The following CHCHD3 variants were observed in gnomAD, a reference collection of about 807,000 sequenced individuals.
CHCHD3 encodes the protein coiled-coil-helix-coiled-coil-helix domain containing 3.
A neutral mutation model predicts 38.2 loss-of-function variants in CHCHD3; 20 were observed. The ratio of observed to expected loss-of-function variants is 0.52; its 90% confidence interval spans 0.37 to 0.76. The LOEUF is 0.76. Ranked by LOEUF, CHCHD3 falls within the 30% of genes least tolerant of loss-of-function variation. The pLI is 0.00. For synonymous variants in CHCHD3, 82 were observed against 100.0 expected, an observed-to-expected ratio of 0.82 and a Z score of 1.07; for missense variants, 245 against 279.2, an observed-to-expected ratio of 0.88 and a Z score of 0.87.
chr7:133,077,176 C>T (rs1322149171), intron 1 of CHCHD3, among the ~76,000 whole-genome samples: 1 of 152,140 alleles, frequency 6.6e-6, no homozygotes, highest in East Asian at 1.9e-4. Flanking sequence ...AAACCATTAT[C>T]CCTACCTTTA....
At position 132,885,784 on chromosome 7, in the gene CHCHD3, A is replaced by G. The variant is rs750077465; in HGVS notation, c.370-39T>C. 2.8e-6 allele frequency: 4 copies of G among 1,412,284 alleles called. No homozygotes were observed. The South Asian group carries it at 4.0e-5, about 14-fold the overall frequency. The allele number at this position is 1,412,284 out of a possible 1,614,324, so 87.5% of individuals were successfully genotyped here. A position where few individuals can be genotyped will look rare whatever the true frequency, so the allele number is the denominator to read the frequency against. Reference sequence around the variant, plus strand: ...TGAGGAATATACTATATCAAGAAAAAGCAGCAACAGCAAAGCAAAAGTCAA... The same window carrying G: ...TGAGGAATATACTATATCAAGAAAAGGCAGCAACAGCAAAGCAAAAGTCAA... On this transcript the variant is annotated intron_variant, in intron 4 of 7. Transcript: ENST00000262570.
At chr7:133,019,280 TTGCCTTTTTCTTGC>T (rs1813116743) in intron 3 of CHCHD3, among the ~76,000 whole-genome samples, 1 of 152,150 alleles carries the variant, frequency 6.6e-6, no homozygotes, top group Non-Finnish European at 1.5e-5. Context: ...GCTTTTTCTT[TTGCCTTTTTCTTGC>T]TGCCTTTTTC....
chr7:132,884,639 A>T (rs1315063405), intron 5 of CHCHD3, among the ~76,000 whole-genome samples: 1 of 152,196 alleles, frequency 6.6e-6, no homozygotes, highest in Non-Finnish European at 1.5e-5. Context: ...AACATTTTCA[A>T]CAAATAAAAT....
chr7:132,829,468 G>C (rs1807585858), intron 6 of CHCHD3, among the ~76,000 whole-genome samples: 3 of 152,136 alleles, frequency 2.0e-5, no homozygotes, highest in African/African-American at 4.8e-5. Context: ...AGAATGATTT[G>C]TTAGCTCACA....
At chr7:133,015,528 G>A (rs1813006593) in intron 3 of CHCHD3, among the ~76,000 whole-genome samples, 1 of 151,942 alleles carries the variant, frequency 6.6e-6, no homozygotes, top group South Asian at 2.1e-4. Flanking sequence ...CAAAACAGAG[G>A]TCATTTTTAA....
At chr7:132,979,427 C>G (rs1364089054) in intron 3 of CHCHD3, among the ~76,000 whole-genome samples, 1 of 152,178 alleles carries the variant, frequency 6.6e-6, no homozygotes, top group African/African-American at 2.4e-5. Flanking sequence ...GAGCAAGAGA[C>G]ACAGTCCCTA....
intron 4 of CHCHD3, among the ~76,000 whole-genome samples, chr7:132,909,221 G>A (rs949499543): frequency 2.6e-5 from 4 of 152,154 alleles, no homozygotes; most frequent in Admixed American, 6.6e-5. Flanking sequence ...CCCAAGACCA[G>A]GTGTGGTGGT....
intron 5 of CHCHD3, among the ~76,000 whole-genome samples, chr7:132,851,411 T>C (rs1808215996): frequency 6.6e-6 from 1 of 152,146 alleles, no homozygotes; most frequent in Non-Finnish European, 1.5e-5. Flanking sequence ...AGGTATTAAT[T>C]TTTCTATTAT....
intron 4 of CHCHD3, among the ~76,000 whole-genome samples, chr7:132,939,628 T>C (rs1810716432): frequency 1.3e-5 from 2 of 152,178 alleles, no homozygotes. Context: ...TTTATGACTG[T>C]ACCAAACACT....
rs541351463 is a variant in CHCHD3 at position 132,994,395 on chromosome 7, A to C, written c.252-19109T>G. Among the ~76,000 whole-genome samples the C allele has an allele frequency of 7.9e-5, 12 of 152,356 alleles. No individual in the cohort carries two copies. The South Asian group carries it at 2.5e-3, about 32-fold the overall frequency. ...GCATGGCTTTGAGTAAACATTACACAGAAGTAAGTTCAAGATTAAACTTCA... is the reference window on the plus strand; with the variant it reads ...GCATGGCTTTGAGTAAACATTACACCGAAGTAAGTTCAAGATTAAACTTCA... On this transcript the variant is annotated intron_variant, in intron 3 of 7. Coordinates refer to ENST00000262570, the MANE Select transcript of CHCHD3 (RefSeq NM_017812.4).
chr7:132,857,070 T>C (rs760531241), intron 5 of CHCHD3, among the ~76,000 whole-genome samples: 6 of 152,230 alleles, frequency 3.9e-5, no homozygotes, highest in Non-Finnish European at 8.8e-5. Flanking sequence ...ACTAGAATTG[T>C]GGGCTATCAT....
intron 4 of CHCHD3, among the ~76,000 whole-genome samples, chr7:132,914,123 CGTGTGTGTGTGT>C (rs200561468): frequency 6.8e-4 from 90 of 132,284 alleles, no homozygotes; most frequent in African/African-American, 1.3e-3. Context: ...CCATGCCTGG[CGTGTGTGTGTGT>C]GTGTGTGTGT....
At chr7:132,852,731 G>A (rs1405552310) in intron 5 of CHCHD3, among the ~76,000 whole-genome samples, 1 of 152,102 alleles carries the variant, frequency 6.6e-6, no homozygotes, top group East Asian at 1.9e-4. Context: ...TACAGAAGGA[G>A]TCCTGTGAGG....
At chr7:133,047,820 G>A (rs1196597424) in intron 2 of CHCHD3, among the ~76,000 whole-genome samples, 2 of 152,164 alleles carry the variant, frequency 1.3e-5, no homozygotes, top group Non-Finnish European at 2.9e-5. Context: ...AGGCGCGGTG[G>A]CTCATGCCTG....
intron 2 of CHCHD3, among the ~76,000 whole-genome samples, chr7:133,027,870 TC>T (rs1813390284): frequency 6.6e-6 from 1 of 152,114 alleles, no homozygotes; most frequent in Non-Finnish European, 1.5e-5. Flanking sequence ...CCACAAAAAG[TC>T]CAAATAGTCT....
chr7:132,978,616 G>T (rs565523633), intron 3 of CHCHD3, among the ~76,000 whole-genome samples: 1 of 152,150 alleles, frequency 6.6e-6, no homozygotes, highest in Non-Finnish European at 1.5e-5. Flanking sequence ...AACACAAGGC[G>T]ATGGTATATA....
intron 5 of CHCHD3, among the ~76,000 whole-genome samples, chr7:132,879,120 AT>A (rs1808984378): frequency 6.6e-6 from 1 of 152,210 alleles, no homozygotes; most frequent in Non-Finnish European, 1.5e-5. Context: ...CATCTATTTG[AT>A]TATATGCCAT....
At chr7:132,907,825 T>A (rs760340258) in intron 4 of CHCHD3, among the ~76,000 whole-genome samples, 2 of 152,204 alleles carry the variant, frequency 1.3e-5, no homozygotes, top group Non-Finnish European at 2.9e-5. Flanking sequence ...AGGACCTGCA[T>A]GTGCTGAATG....
intron 4 of CHCHD3, among the ~76,000 whole-genome samples, chr7:132,929,695 T>G (rs1315696787): frequency 6.6e-6 from 1 of 152,168 alleles, no homozygotes; most frequent in African/African-American, 2.4e-5. Context: ...GTCACTGAGC[T>G]CCACACTGCA....
Sources: allele counts gnomAD v4.1 joint callset (sites outside exome capture counted in the v4.1 genomes callset), GRCh38; gene constraint gnomAD v4.1.1; transcripts MANE v1.5; gene names NCBI Gene and HGNC (gene_info 2026-07-23, HGNC 2026-07-21).